Variants in ME3 observed in about 807,000 individuals in gnomAD.
The protein encoded by ME3 is NADP-dependent malic enzyme, mitochondrial.
Under a neutral mutation model 68.9 loss-of-function variants are expected in ME3, and 48 were observed. The observed-to-expected ratio is 0.70, with a 90% confidence interval of 0.55 to 0.89. ME3 has a LOEUF of 0.89. ME3 is among the 40% of genes least tolerant of loss of function. The probability of loss-of-function intolerance (pLI) is 0.00; values close to 1 mark genes in which losing one functional copy is unlikely to be tolerated. For missense variants in ME3, 675 were observed against 797.4 expected, an observed-to-expected ratio of 0.85 and a Z score of 1.85; for synonymous variants, 320 against 318.8, an observed-to-expected ratio of 1.00 and a Z score of -0.04.
intron 4 of ME3, among the ~76,000 whole-genome samples, chr11:86,524,143 T>A (rs1954548920): frequency 6.6e-6 from 1 of 152,212 alleles, no homozygotes; most frequent in Non-Finnish European, 1.5e-5. Context: ...GCCTCCACTT[T>A]ATAAAACAAA....
intron 2 of ME3, among the ~76,000 whole-genome samples, chr11:86,668,943 A>T (rs1946744200): frequency 6.6e-6 from 1 of 152,222 alleles, no homozygotes; most frequent in East Asian, 1.9e-4. Context: ...CACAGACATG[A>T]ACACTAAGCA....
intron 13 of ME3, 25 bp downstream of exon 13, chr11:86,446,289 T>G: frequency 6.2e-7 from 1 of 1,612,428 alleles, no homozygotes; most frequent in South Asian, 1.1e-5. Context: ...ACTGCAAGCA[T>G]TTGAGGGAGC....
chr11:86,650,935 C>T (rs947209788), intron 2 of ME3, among the ~76,000 whole-genome samples: 7 of 152,254 alleles, frequency 4.6e-5, no homozygotes, highest in African/African-American at 1.7e-4. Context: ...CAACGGCACA[C>T]CAGGAGATTG....
At chr11:86,672,181 C>T (rs1197288862) in intron 1 of ME3, 143 bp downstream of exon 1, 5 of 437,490 alleles carry the variant, frequency 1.1e-5, no homozygotes, top group Non-Finnish European at 2.0e-5. Flanking sequence ...AAACCAAGCC[C>T]TGGAAGCAGA....
intron 2 of ME3, among the ~76,000 whole-genome samples, chr11:86,666,778 T>G (rs1044676809): frequency 1.3e-5 from 2 of 152,226 alleles, no homozygotes; most frequent in Non-Finnish European, 2.9e-5. Flanking sequence ...AGCAGAGATC[T>G]CGAGAAGATA....
chr11:86,599,070 C>T (rs558580522), intron 2 of ME3, among the ~76,000 whole-genome samples: 3 of 152,360 alleles, frequency 2.0e-5, no homozygotes, highest in African/African-American at 7.2e-5. Context: ...GAACGCAGTT[C>T]CTCACCAGCA....
At position 86,640,763 on chromosome 11, in the gene ME3, A is replaced by G. The variant is rs1360894264; in HGVS notation, c.183+30999T>C. Among the ~76,000 whole-genome samples, 3 of 152,144 alleles carry G rather than the reference A, an allele frequency of 2.0e-5. No homozygotes were observed. The South Asian group carries it at 6.2e-4, about 32-fold the overall frequency. On this transcript the variant is annotated intron_variant, in intron 2 of 14. Transcript: ENST00000543262. ...TCAGTTATGCTCTCCATGATACAGT[A>G]TCCAACTCCTGGCCTCTCCCAATGG... is the stretch of plus-strand genomic sequence containing the variant.
intron 7 of ME3, among the ~76,000 whole-genome samples, chr11:86,465,418 A>G (rs631082): frequency 0.3 from 45,943 of 151,826 alleles, 7,299 homozygotes; most frequent in Non-Finnish European, 0.33. Context: ...AGAGAGTAGG[A>G]CCCTGGCTTT....
At chr11:86,572,578 C>A (rs1957862164) in intron 2 of ME3, among the ~76,000 whole-genome samples, 1 of 152,154 alleles carries the variant, frequency 6.6e-6, no homozygotes, top group Non-Finnish European at 1.5e-5. Context: ...TGATGGCTTC[C>A]AGCTTCATTC....
At chr11:86,552,600 GC>G in intron 4 of ME3, among the ~76,000 whole-genome samples, 1 of 152,044 alleles carries the variant, frequency 6.6e-6, no homozygotes, top group African/African-American at 2.4e-5. Context: ...TCCAAGCACC[GC>G]CCCCCATGCT....
intron 7 of ME3, among the ~76,000 whole-genome samples, chr11:86,486,102 C>A (rs1951673974): frequency 6.6e-6 from 1 of 152,136 alleles, no homozygotes; most frequent in Non-Finnish European, 1.5e-5. Flanking sequence ...ACCCACCTGC[C>A]CCATCAGTGC....
At chr11:86,518,140 A>G (rs1227780829) in intron 4 of ME3, among the ~76,000 whole-genome samples, 2 of 152,234 alleles carry the variant, frequency 1.3e-5, no homozygotes, top group Admixed American at 6.5e-5. Flanking sequence ...AAATATGTTG[A>G]AATTTGAAGT....
In ME3 at chr11:86,480,467, C is replaced by T. The variant is rs1951336639; in HGVS notation, c.809+6870G>A. 2.6e-5 allele frequency among the ~76,000 whole-genome samples: 4 copies of T among 152,114 alleles called. No individual in the cohort carries two copies. In the South Asian group the frequency reaches 8.3e-4, roughly 32 times the overall value. On this transcript the variant is annotated intron_variant, in intron 7 of 14. Transcript: ENST00000543262. ...ACAGGAAGCCATTTAGAAGAAATTC[C>T]CCAAACAAGGCAGTCACCACTGTCT... is the stretch of plus-strand genomic sequence containing the variant.
At chr11:86,526,861 C>G (rs1954795402) in intron 4 of ME3, among the ~76,000 whole-genome samples, 1 of 152,230 alleles carries the variant, frequency 6.6e-6, no homozygotes, top group Non-Finnish European at 1.5e-5. Context: ...CAAACCCCAT[C>G]TGTACGTCAC....
intron 2 of ME3, among the ~76,000 whole-genome samples, chr11:86,575,809 A>G (rs1958068810): frequency 6.6e-6 from 1 of 152,238 alleles, no homozygotes; most frequent in Non-Finnish European, 1.5e-5. Context: ...GCTAGTACAT[A>G]GGTACTTTAT....
intron 2 of ME3, among the ~76,000 whole-genome samples, chr11:86,642,830 C>T (rs532559820): frequency 2.0e-5 from 3 of 152,262 alleles, no homozygotes; most frequent in Admixed American, 2.0e-4. Context: ...AATTTATTTT[C>T]CAATGTTTAA....
At chr11:86,511,542 A>G (rs1440360878) in intron 4 of ME3, among the ~76,000 whole-genome samples, 3 of 152,174 alleles carry the variant, frequency 2.0e-5, no homozygotes, top group African/African-American at 7.2e-5. Flanking sequence ...CAGGCTAACC[A>G]TGGGAGGAAT....
intron 2 of ME3, among the ~76,000 whole-genome samples, chr11:86,584,233 A>G (rs752122160): frequency 6.6e-6 from 1 of 152,208 alleles, no homozygotes; most frequent in Non-Finnish European, 1.5e-5. Flanking sequence ...ATCACTAATC[A>G]TTAGGGAAAT....
intron 2 of ME3, among the ~76,000 whole-genome samples, chr11:86,592,091 C>T (rs1959096546): frequency 6.6e-6 from 1 of 152,190 alleles, no homozygotes; most frequent in Non-Finnish European, 1.5e-5. Context: ...AAGTCACCAC[C>T]TGAGAACTGG....
Sources: allele counts gnomAD v4.1 joint callset (sites outside exome capture counted in the v4.1 genomes callset), GRCh38; gene constraint gnomAD v4.1.1; transcripts MANE v1.5; gene names NCBI Gene and HGNC (gene_info 2026-07-23, HGNC 2026-07-21).